KDM1B: variants seen among roughly 807,000 people sequenced by gnomAD.
KDM1B encodes lysine demethylase 1B.
In KDM1B, 63 loss-of-function variants were observed where a neutral mutation model predicts 107.4. The observed-to-expected ratio is 0.59, with a 90% confidence interval of 0.48 to 0.72. The LOEUF (loss-of-function observed/expected upper bound fraction) is 0.72, where lower values mean the gene tolerates loss of function less well. Among genes scored for constraint, KDM1B ranks in the 30% least tolerant of loss-of-function variants. The probability of loss-of-function intolerance (pLI) is 0.00; values close to 1 mark genes in which losing one functional copy is unlikely to be tolerated. For synonymous variants in KDM1B, 363 were observed against 363.9 expected, an observed-to-expected ratio of 1.00 and a Z score of 0.03; for missense variants, 749 against 1,020.8, an observed-to-expected ratio of 0.73 and a Z score of 3.63.
chr6:18,185,116 C>A (rs1786768220), intron 7 of KDM1B, among the ~76,000 whole-genome samples: 1 of 152,172 alleles, frequency 6.6e-6, no homozygotes, highest in East Asian at 1.9e-4. Context: ...GAGTCTCTCT[C>A]TGGAAAATAT....
intron 5 of KDM1B, among the ~76,000 whole-genome samples, chr6:18,164,455 A>G (rs1267918422): frequency 6.6e-6 from 1 of 151,832 alleles, no homozygotes; most frequent in African/African-American, 2.4e-5. Context: ...TGTATTTTTA[A>G]GCTCTGTTGT....
At chr6:18,198,069 G>C (rs1011400380) in intron 12 of KDM1B, among the ~76,000 whole-genome samples, 1 of 151,666 alleles carries the variant, frequency 6.6e-6, no homozygotes, top group African/African-American at 2.4e-5. Context: ...GCGAATTTTT[G>C]TATTTTTAGT....
At chr6:18,169,220 T>TTA (rs1440462403) in intron 6 of KDM1B, among the ~76,000 whole-genome samples, 2 of 150,612 alleles carry the variant, frequency 1.3e-5, no homozygotes, top group Admixed American at 6.6e-5. Context: ...GTTGTAAGAA[T>TTA]TATATATATA....
intron 20 of KDM1B, among the ~76,000 whole-genome samples, chr6:18,215,697 A>G (rs192998804): frequency 7.3e-5 from 11 of 150,396 alleles, no homozygotes; most frequent in East Asian, 2.0e-4. Flanking sequence ...TTTTTACACA[A>G]TTGTCTTCCT....
intron 20 of KDM1B, among the ~76,000 whole-genome samples, chr6:18,216,353 T>G: frequency 6.6e-6 from 1 of 152,230 alleles, no homozygotes; most frequent in African/African-American, 2.4e-5. Context: ...AGTGCTGGGA[T>G]TACAGGTGTG....
At position 18,204,027 on chromosome 6, in the gene KDM1B, A is replaced by G. The variant is rs999346154; in HGVS notation, c.1532-1510A>G. Among the ~76,000 whole-genome samples the G allele has an allele frequency of 6.6e-6, 1 of 152,158 alleles. No homozygotes were observed. The highest frequency in any genetic ancestry group is 1.5e-5 in the Non-Finnish European group (1 of 68,024). On this transcript the variant is annotated intron_variant, in intron 14 of 21. Transcript: ENST00000650836. This position sits in a 1 kb window ranked among gnomAD's most constrained non-coding sequence, Gnocchi z 4.9. ...AGTCACAGAAAGTGGCACAAAGCCCAGGGGTCTAGGAGCAACAAAGACAGG... is the reference window on the plus strand; with the variant it reads ...AGTCACAGAAAGTGGCACAAAGCCCGGGGGTCTAGGAGCAACAAAGACAGG...
intron 10 of KDM1B, among the ~76,000 whole-genome samples, chr6:18,196,587 A>T (rs894562424): frequency 6.6e-6 from 1 of 152,114 alleles, no homozygotes. Flanking sequence ...GGAGTTTTTC[A>T]TATATACTTG....
Position 18,193,022 on chromosome 6 carries a change from G to A in KDM1B, c.969+1641G>A, listed in dbSNP as rs532745875. 1.6e-4 allele frequency among the ~76,000 whole-genome samples: 24 copies of A among 151,312 alleles called. No homozygotes were observed. The East Asian group carries it at 1.8e-3, about 11-fold the overall frequency. ...AGCCTGGCCAACATGGCAAAACCCC[G>A]TCTCTACTAAAAATACAAATAATTA... On this transcript the variant is annotated intron_variant, in intron 10 of 21. Transcript: ENST00000650836.
chr6:18,183,305 T>C (rs1786612866), intron 7 of KDM1B, among the ~76,000 whole-genome samples: 1 of 148,848 alleles, frequency 6.7e-6, no homozygotes, highest in South Asian at 2.2e-4. Context: ...TTTGCTCTTA[T>C]TACCCAGGCT....
chr6:18,198,444 G>T (rs552750202), intron 12 of KDM1B, among the ~76,000 whole-genome samples: 1 of 151,150 alleles, frequency 6.6e-6, no homozygotes, highest in Non-Finnish European at 1.5e-5. Flanking sequence ...GGCAAGGCAG[G>T]TCTCAAACTC....
At chr6:18,198,708 A>G (rs1435323952) in intron 12 of KDM1B, among the ~76,000 whole-genome samples, 2 of 150,982 alleles carry the variant, frequency 1.3e-5, no homozygotes, top group Admixed American at 1.3e-4. Context: ...CTCCAGGCCT[A>G]GCACATGTTT....
rs1788706950 is a variant in KDM1B, at chr6:18,209,919, C to G, written c.1866+1713C>G. ...AATACTACCTTTTAAAATTGCAAGTCACCCGACAGTTCAGCCTCTGCTGTT... is the reference window on the plus strand; with the variant it reads ...AATACTACCTTTTAAAATTGCAAGTGACCCGACAGTTCAGCCTCTGCTGTT... On this transcript the variant is annotated intron_variant, in intron 17 of 21. Transcript: ENST00000650836. This position sits in a 1 kb window ranked among gnomAD's most constrained non-coding sequence, Gnocchi z 4.3. Among the ~76,000 whole-genome samples, 1 of 152,164 alleles carries G rather than the reference C, an allele frequency of 6.6e-6. No individual in the cohort carries two copies. The highest frequency in any genetic ancestry group is 1.5e-5 in the Non-Finnish European group (1 of 68,034).
intron 7 of KDM1B, among the ~76,000 whole-genome samples, chr6:18,184,428 C>T (rs751907917): frequency 2.6e-5 from 4 of 152,002 alleles, no homozygotes; most frequent in South Asian, 4.2e-4. Context: ...GTGCGCACCA[C>T]CATGCCCGGC....
chr6:18,208,162 G>C lies in KDM1B; in HGVS notation c.1822G>C (p.Val608Leu), dbSNP rs777474479. The C allele has an allele frequency of 2.4e-5, 38 of 1,613,720 alleles. No individual in the cohort carries two copies. The Admixed American group carries it at 6.2e-4, about 26-fold the overall frequency. Reference sequence around the variant, plus strand: ...GTGTATTGATTATTCTGGAGATGAAGTGCAGGTTACCACTACAGATGGCAC... The same window carrying C: ...GTGTATTGATTATTCTGGAGATGAACTGCAGGTTACCACTACAGATGGCAC... Reference protein sequence around the residue: ...VQCIDYSGDEVQVTTTDGTGY... With the variant: ...VQCIDYSGDELQVTTTDGTGY... The change falls in exon 17 of 22, where the codon GTG (valine) becomes CTG (leucine). Residue 608 changes from valine to leucine, a missense_variant. Transcript: ENST00000650836.
chr6:18,157,805 G>C (rs1323861559), intron 2 of KDM1B, among the ~76,000 whole-genome samples: 1 of 119,434 alleles, frequency 8.4e-6, no homozygotes, highest in Non-Finnish European at 1.7e-5. Context: ...TAGGTAGATA[G>C]TCCTTTTTTT....
chr6:18,191,838 C>G lies in KDM1B; in HGVS notation c.969+457C>G, dbSNP rs1787301664. Among the ~76,000 whole-genome samples the G allele has an allele frequency of 1.3e-5, 2 of 152,044 alleles. No individual in the cohort carries two copies. The highest frequency in any genetic ancestry group is 1.3e-4 in the Admixed American group (2 of 15,250). ...AGGAATTTTTATTCACCTCGGCATC[C>G]TAAATCAACCAAGACCAGTACATTT... On this transcript the variant is annotated intron_variant, in intron 10 of 21. Coordinates refer to ENST00000650836, the MANE Select transcript of KDM1B (RefSeq NM_001364614.2). The surrounding 1 kb of genome is among the most constrained non-coding windows in gnomAD (Gnocchi z 5.1).
chr6:18,222,085 T>C lies in KDM1B; in HGVS notation c.*93T>C, dbSNP rs762429730. On this transcript the variant is annotated 3_prime_UTR_variant, in exon 22 of 22. Coordinates refer to ENST00000650836, the MANE Select transcript of KDM1B (RefSeq NM_001364614.2). ...GTTTTATAAGAGGGGGAAAAAACCG[T>C]CTCTACATAGTAAAACTGAAATGTT... 1.0e-5 allele frequency: 11 copies of C among 1,101,536 alleles called. No homozygotes were observed. In the South Asian group the frequency reaches 1.4e-4, roughly 14 times the overall value. The allele number at this position is 1,101,536 out of a possible 1,614,324, so 68.2% of individuals were successfully genotyped here. A position where few individuals can be genotyped will look rare whatever the true frequency, so the allele number is the denominator to read the frequency against.
intron 2 of KDM1B, among the ~76,000 whole-genome samples, chr6:18,157,350 G>A (rs1199283024): frequency 6.6e-6 from 1 of 152,100 alleles, no homozygotes; most frequent in African/African-American, 2.4e-5. Flanking sequence ...GGCTTTTATA[G>A]CTCATGTTTT....
At chr6:18,199,417 T>C (rs1787888086) in intron 12 of KDM1B, among the ~76,000 whole-genome samples, 1 of 152,198 alleles carries the variant, frequency 6.6e-6, no homozygotes, top group Non-Finnish European at 1.5e-5. Context: ...GCCTGAAAGA[T>C]GGTTAACTTG....
Sources: gnomAD v4.1 joint callset for allele counts (sites outside exome capture counted in the v4.1 genomes callset) on GRCh38, gnomAD v4.1.1 for gene constraint, Gnocchi (gnomAD v3.1) non-coding constraint, MANE v1.5 for transcripts, NCBI Gene and HGNC (gene_info 2026-07-23, HGNC 2026-07-21) for gene names.